The following SMC3 variants were observed in gnomAD, a reference collection of about 807,000 sequenced individuals.
The protein encoded by SMC3 is structural maintenance of chromosomes protein 3.
SMC3 carries 20 observed loss-of-function variants against 171.8 expected under a neutral mutation model. The ratio of observed to expected loss-of-function variants is 0.12; its 90% CI spans 0.08 to 0.17. The LOEUF (loss-of-function observed/expected upper bound fraction) is 0.17, where lower values mean the gene tolerates loss of function less well. SMC3 is among the 10% of genes least tolerant of loss of function. SMC3 has a pLI of 1.00. For missense variants in SMC3, 543 were observed against 1,420.4 expected, an observed-to-expected ratio of 0.38 and a Z score of 9.93; for synonymous variants, 464 against 451.1, an observed-to-expected ratio of 1.03 and a Z score of -0.36.
intron 1 of SMC3, chr10:110,568,306 G>A: frequency 5.4e-6 from 1 of 183,670 alleles, no homozygotes; most frequent in Non-Finnish European, 1.1e-5. Flanking sequence ...GTCGTCACCT[G>A]TCACTGCGGG....
chr10:110,596,895 T>G, intron 19 of SMC3, among the ~76,000 whole-genome samples: 1 of 151,848 alleles, frequency 6.6e-6, no homozygotes, highest in African/African-American at 2.4e-5. Flanking sequence ...CCTGTTGAAT[T>G]TATGTAAGCA....
intron 3 of SMC3, among the ~76,000 whole-genome samples, chr10:110,574,170 A>G (rs1686852482): frequency 2.0e-5 from 3 of 152,224 alleles, no homozygotes; most frequent in Admixed American, 2.0e-4. Flanking sequence ...AAAATTGTTC[A>G]TCTTTCTTAT....
In SMC3 at chr10:110,598,085, A is replaced by G. The variant is rs1861329352; in HGVS notation, c.2117-54A>G. 5.9e-6 allele frequency: 9 copies of G among 1,516,648 alleles called. No individual in the cohort carries two copies. In the South Asian group the frequency reaches 1.0e-4, roughly 17 times the overall value. The allele number at this position is 1,516,648 out of a possible 1,614,324, so 93.9% of individuals were successfully genotyped here. A position where few individuals can be genotyped will look rare whatever the true frequency, so the allele number is the denominator to read the frequency against. ...CATGGTGTTGTGTCTAAAAAGAATTAAGAACATACGATATATTTACAACCT... is the reference window on the plus strand; with the variant it reads ...CATGGTGTTGTGTCTAAAAAGAATTGAGAACATACGATATATTTACAACCT... On this transcript the variant is annotated intron_variant, in intron 19 of 28. Transcript: ENST00000361804.
At position 110,599,611 on chromosome 10, in the gene SMC3, A is replaced by G. The variant is rs1020348790; in HGVS notation, c.2269-43A>G. On this transcript the variant is annotated intron_variant, in intron 20 of 28. Coordinates refer to ENST00000361804, the MANE Select transcript of SMC3 (RefSeq NM_005445.4). ...TTTTAAAATTTTCACTATAAGTAAT[A>G]CAGTGGCTAATACCTTACTAATAAA... 7.0e-6 allele frequency: 11 copies of G among 1,568,632 alleles called. No individual in the cohort carries two copies. The African/African-American group carries it at 1.1e-4, about 15-fold the overall frequency.
At chr10:110,569,047 A>T (rs772355738) in intron 2 of SMC3, 34 bp downstream of exon 2, 1 of 1,263,630 alleles carries the variant, frequency 7.9e-7, no homozygotes, top group Non-Finnish European at 1.2e-6. Flanking sequence ...TCATATTTAT[A>T]GTCTATACAG....
chr10:110,572,804 G>GC (rs1300962515), intron 2 of SMC3, among the ~76,000 whole-genome samples: 1 of 151,882 alleles, frequency 6.6e-6, no homozygotes, highest in Non-Finnish European at 1.5e-5. Flanking sequence ...TTACAACTTG[G>GC]CATTTGGTAA....
chr10:110,594,193 A>AT (rs1288584139), intron 18 of SMC3, among the ~76,000 whole-genome samples: 1 of 138,118 alleles, frequency 7.2e-6, no homozygotes, highest in African/African-American at 3.0e-5. Context: ...TTTTTTTTTA[A>AT]TTTTTAAATT....
At chr10:110,576,266 A>G (rs953140068) in intron 4 of SMC3, among the ~76,000 whole-genome samples, 2 of 152,228 alleles carry the variant, frequency 1.3e-5, no homozygotes, top group Non-Finnish European at 2.9e-5. Context: ...GTAGACTGCT[A>G]TCACGTTGTC....
At chr10:110,571,863 TCTC>T (rs971277868) in intron 2 of SMC3, among the ~76,000 whole-genome samples, 9 of 152,156 alleles carry the variant, frequency 5.9e-5, no homozygotes, top group African/African-American at 2.2e-4. Context: ...AATCTGTTAT[TCTC>T]CTTCAGGATA....
rs775023429 is a variant in SMC3 at position 110,590,577 on chromosome 10, A to G, written c.1670+5A>G. ...GGAAGTCACTGCTGGAAACAGGTTA[A>G]AGCTTTTGCTTGATATTTAGCATTT... On this transcript the variant is annotated splice_donor_5th_base_variant and intron_variant, in intron 16 of 28. Transcript: ENST00000361804. 6.2e-7 allele frequency: 1 copy of G among 1,613,770 alleles called. No individual in the cohort carries two copies. The highest frequency in any genetic ancestry group is 8.5e-7 in the Non-Finnish European group (1 of 1,179,708).
At chr10:110,585,269 C>T (rs12570094) in intron 13 of SMC3, among the ~76,000 whole-genome samples, 17,339 of 150,894 alleles carry the variant, frequency 0.11, 1,161 homozygotes, top group East Asian at 0.25. Context: ...CGTGAGCCAC[C>T]GTGCCCAGCT....
rs377668496 is a variant in SMC3 at position 110,568,032 on chromosome 10, T to G, written c.15+201T>G. 6.0e-4 allele frequency among the ~76,000 whole-genome samples: 91 copies of G among 152,304 alleles called. No homozygotes were observed. In the Middle Eastern group the frequency reaches 0.01, roughly 17 times the overall value. On this transcript the variant is annotated intron_variant, in intron 1 of 28. Transcript: ENST00000361804. The stretch of plus-strand genomic sequence containing the variant: ...GTCGCGGAGAATTGGGGCACTCCTT[T>G]GCAGCCCCGGCCTCCCTGCTGGCGC...
In SMC3 at chr10:110,602,980, T is replaced by C; in HGVS notation, c.3453T>C (p.Ala1151=). Residue 1151 remains alanine (A), a synonymous_variant, in exon 27 of 29, where the codon GCT becomes GCC. Transcript: ENST00000361804. ...LFDEIDQALD[A]QHRKAVSDMI... ...ATGAAATTGACCAGGCTCTGGATGC[T>C]CAGCACAGAAAGGCTGTGTCAGGTA... 6.2e-7 allele frequency: 1 copy of C among 1,614,204 alleles called. No homozygotes were observed. Among genetic ancestry groups the C allele is most frequent in the Non-Finnish European group, 8.5e-7 (1 of 1,180,028 alleles).
intron 16 of SMC3, 22 bp from the exon 17 acceptor site, chr10:110,590,969 G>A (rs369849720): frequency 1.6e-4 from 265 of 1,610,222 alleles, no homozygotes; most frequent in Non-Finnish European, 2.2e-4. Context: ...ATAAAGATTT[G>A]TCTTACTCTG....
chr10:110,589,799 G>T (rs572716525), intron 14 of SMC3, 91 bp downstream of exon 14: 2 of 1,464,278 alleles, frequency 1.4e-6, no homozygotes, highest in Non-Finnish European at 1.9e-6. Flanking sequence ...AACCGGTCAG[G>T]CTTGTTTTCT....
intron 16 of SMC3, 53 bp downstream of exon 16, chr10:110,590,625 C>T: frequency 2.0e-6 from 3 of 1,487,132 alleles, no homozygotes; most frequent in Non-Finnish European, 2.8e-6. Flanking sequence ...ATAAGAATAG[C>T]TTAAACAACT....
Position 110,601,662 on chromosome 10 carries a change from A to G in SMC3, c.2670A>G (p.Thr890=). 6.2e-7 allele frequency: 1 copy of G among 1,612,558 alleles called. No homozygotes were observed. ...ATTTGGACAATTCCATTGATAAAAC[A>G]GAAGCTGGAATTAAGGAGCTTCAGA... ...SEDLDNSIDK[T]EAGIKELQKS... is the part of the protein sequence containing the mutation. The change falls in exon 24 of 29, where the codon ACA becomes ACG. Residue 890 remains threonine, a synonymous_variant. Transcript: ENST00000361804.
chr10:110,583,195 G>A (rs920337256), intron 10 of SMC3, among the ~76,000 whole-genome samples, 189 bp from the exon 11 acceptor site: 1 of 152,022 alleles, frequency 6.6e-6, no homozygotes, highest in Admixed American at 6.6e-5. Context: ...TCCAGCCATC[G>A]TATGTTTTTG....
chr10:110,576,994 GA>G (rs1860960612), intron 4 of SMC3, among the ~76,000 whole-genome samples: 1 of 152,170 alleles, frequency 6.6e-6, no homozygotes, highest in South Asian at 2.1e-4. Flanking sequence ...GACTGTAAGA[GA>G]AAAGCCTCAT....
Sources: allele counts gnomAD v4.1 joint callset (sites outside exome capture counted in the v4.1 genomes callset), GRCh38; gene constraint gnomAD v4.1.1; transcripts MANE v1.5; gene names NCBI Gene and HGNC (gene_info 2026-07-23, HGNC 2026-07-21).